The following ARF1 variants were observed in gnomAD, a reference collection of about 807,000 sequenced individuals.
ARF1 encodes the protein ARF GTPase 1, also known as ADP-ribosylation factor 1.
In ARF1, 1 loss-of-function variant was observed where a neutral mutation model predicts 18.0. The ratio of observed to expected loss-of-function variants is 0.06; its 90% CI spans 0.02 to 0.26. ARF1 has a LOEUF of 0.26. Ranked by LOEUF, ARF1 falls within the 10% of genes least tolerant of loss-of-function variation. ARF1 has a pLI of 1.00. For missense variants in ARF1, 73 were observed against 247.2 expected (o/e 0.30, Z 4.73); for synonymous variants, 112 against 96.3 (o/e 1.16, Z -0.95).
At chr1:228,085,060 A>G (rs911482891) in intron 1 of ARF1, among the ~76,000 whole-genome samples, 9 of 152,236 alleles carry the variant, frequency 5.9e-5, no homozygotes, top group African/African-American at 1.9e-4. Flanking sequence ...GGTGAAAGGA[A>G]ATAGAGTGCA....
rs1003640460 is a variant in ARF1, at chr1:228,089,974, C to T, written c.-37-7104C>T. ...GAAAACCAGGGTAGCATTGTCACAT[C>T]AGATAGCTCCGCTACGTGTGCGCTG... is the stretch of plus-strand genomic sequence containing the variant. On this transcript the variant is annotated intron_variant, in intron 1 of 4. Coordinates refer to ENST00000272102, the MANE Select transcript of ARF1 (RefSeq NM_001658.4). The surrounding 1 kb of genome is among the most constrained non-coding windows in gnomAD (Gnocchi z 4.1). Among the ~76,000 whole-genome samples, 1 of 152,254 alleles carries T rather than the reference C, an allele frequency of 6.6e-6. No homozygotes were observed. The highest frequency in any genetic ancestry group is 2.4e-5 in the African/African-American group (1 of 41,476).
At chr1:228,092,513 G>A (rs185608851) in intron 1 of ARF1, among the ~76,000 whole-genome samples, 33 of 152,330 alleles carry the variant, frequency 2.2e-4, no homozygotes, top group South Asian at 4.1e-4. Context: ...AGCCCCATTC[G>A]TGGATGTCAG....
chr1:228,098,242 A>G lies in ARF1; in HGVS notation c.*229A>G, dbSNP rs557821076. 14 of 453,230 alleles carry G rather than the reference A, an allele frequency of 3.1e-5. No homozygotes were observed. The highest frequency in any genetic ancestry group is 2.8e-4 in the South Asian group (6 of 21,306). 28.1% of individuals were successfully genotyped at this position (453,230 alleles called of 1,614,324 possible). A position where few individuals can be genotyped will look rare whatever the true frequency, so the allele number is the denominator to read the frequency against. ...CTGGTACTCCTATGCAATATTACTC[A>G]GCTTTTTTTATTGTAAAAAGAAAAA... On this transcript the variant is annotated 3_prime_UTR_variant, in exon 5 of 5. Coordinates refer to ENST00000272102, the MANE Select transcript of ARF1 (RefSeq NM_001658.4).
intron 1 of ARF1, among the ~76,000 whole-genome samples, chr1:228,091,580 A>G (rs2032578391): frequency 6.6e-6 from 1 of 152,128 alleles, no homozygotes; most frequent in South Asian, 2.1e-4. Context: ...GGGTGCGTGG[A>G]GTGTCTCGGT....
chr1:228,085,068 G>A (rs1313856327), intron 1 of ARF1, among the ~76,000 whole-genome samples: 1 of 152,240 alleles, frequency 6.6e-6, no homozygotes, highest in African/African-American at 2.4e-5. Flanking sequence ...GAAATAGAGT[G>A]CACTGTCAAA....
In ARF1 at chr1:228,089,985, G is replaced by C. The variant is rs1405915286; in HGVS notation, c.-37-7093G>C. ...TAGCATTGTCACATCAGATAGCTCC[G>C]CTACGTGTGCGCTGACCATGCTGAG... On this transcript the variant is annotated intron_variant, in intron 1 of 4. Transcript: ENST00000272102. The surrounding 1 kb of genome is among the most constrained non-coding windows in gnomAD (Gnocchi z 4.1). Among the ~76,000 whole-genome samples the C allele has an allele frequency of 6.6e-6, 1 of 152,218 alleles. No homozygotes were observed. The highest frequency in any genetic ancestry group is 1.5e-5 in the Non-Finnish European group (1 of 68,032).
At chr1:228,096,927 T>G (rs963228441) in intron 1 of ARF1, among the ~76,000 whole-genome samples, 151 bp from the exon 2 acceptor site, 2 of 152,076 alleles carry the variant, frequency 1.3e-5, no homozygotes, top group Non-Finnish European at 2.9e-5. Flanking sequence ...TGAGGTGGAT[T>G]TGGGGGGCAT....
At chr1:228,086,945 A>T (rs908282227) in intron 1 of ARF1, among the ~76,000 whole-genome samples, 2 of 152,212 alleles carry the variant, frequency 1.3e-5, no homozygotes, top group African/African-American at 4.8e-5. Flanking sequence ...CTGCTGCAGA[A>T]CGCAGAACTG....
rs1387600833 is a variant in ARF1, at chr1:228,089,881, T to A, written c.-38+7116T>A. 6.6e-6 allele frequency among the ~76,000 whole-genome samples: 1 copy of A among 152,162 alleles called. No individual in the cohort carries two copies. The highest frequency in any genetic ancestry group is 2.4e-5 in the African/African-American group (1 of 41,442). On this transcript the variant is annotated intron_variant, in intron 1 of 4. Transcript: ENST00000272102. The surrounding 1 kb of genome is among the most constrained non-coding windows in gnomAD (Gnocchi z 4.1). ...GTGCCCAGCATGTCTGTGGTGAGTG[T>A]GTAGTTCAGGAAGTGAACTGGCAAA...
At chr1:228,088,532 T>C (rs1255689697) in intron 1 of ARF1, among the ~76,000 whole-genome samples, 2 of 152,022 alleles carry the variant, frequency 1.3e-5, no homozygotes, top group African/African-American at 2.4e-5. Context: ...AAAAAAAAAT[T>C]TTTGTGCATA....
chr1:228,097,165 A>G lies in ARF1; in HGVS notation c.51A>G (p.Glu17=). 1 of 1,613,724 alleles carries G rather than the reference A, an allele frequency of 6.2e-7. No individual in the cohort carries two copies. Among genetic ancestry groups the G allele is most frequent in the Non-Finnish European group, 8.5e-7 (1 of 1,179,872 alleles). The stretch of plus-strand genomic sequence containing the variant: ...TCAAGGGCCTTTTTGGCAAAAAAGA[A>G]ATGCGCATCCTCATGGTGGGCCTGG... ...NLFKGLFGKK[E]MRILMVGLDA... Residue 17 remains glutamate (E), a synonymous_variant, in exon 2 of 5, where the codon GAA becomes GAG. Coordinates refer to ENST00000272102, the MANE Select transcript of ARF1 (RefSeq NM_001658.4). The surrounding 1 kb of genome is among the most constrained non-coding windows in gnomAD (Gnocchi z 8.1).
At chr1:228,092,078 T>TA (rs547928616) in intron 1 of ARF1, among the ~76,000 whole-genome samples, 3 of 152,212 alleles carry the variant, frequency 2.0e-5, no homozygotes, top group Non-Finnish European at 2.9e-5. Context: ...GATTAGATAG[T>TA]AAAACTGAGA....
chr1:228,085,417 G>C (rs2032362408), intron 1 of ARF1, among the ~76,000 whole-genome samples: 1 of 152,266 alleles, frequency 6.6e-6, no homozygotes, highest in Non-Finnish European at 1.5e-5. Flanking sequence ...CGACTTGACA[G>C]ACATGTCCTG....
chr1:228,092,250 A>G (rs1184034644), intron 1 of ARF1, among the ~76,000 whole-genome samples: 2 of 152,140 alleles, frequency 1.3e-5, no homozygotes. Flanking sequence ...AGAGTTCAAG[A>G]TCAGCCTGGG....
rs951711186 is a variant in ARF1, at chr1:228,089,945, C to A, written c.-37-7133C>A. On this transcript the variant is annotated intron_variant, in intron 1 of 4. Transcript: ENST00000272102. The surrounding 1 kb of genome is among the most constrained non-coding windows in gnomAD (Gnocchi z 4.1). ...CTCTCTTCCTGGGTTCTTGCCACTC[C>A]CCTGAAAACCAGGGTAGCATTGTCA... Among the ~76,000 whole-genome samples, 1 of 152,214 alleles carries A rather than the reference C, an allele frequency of 6.6e-6. No individual in the cohort carries two copies. The highest frequency in any genetic ancestry group is 2.4e-5 in the African/African-American group (1 of 41,458).
intron 1 of ARF1, among the ~76,000 whole-genome samples, chr1:228,085,835 A>G (rs1356667875): frequency 6.6e-6 from 1 of 152,202 alleles, no homozygotes; most frequent in Admixed American, 6.5e-5. Flanking sequence ...ACATTTCAGG[A>G]AGTTAGAAGT....
chr1:228,084,931 T>C (rs1004817534), intron 1 of ARF1, among the ~76,000 whole-genome samples: 1 of 152,238 alleles, frequency 6.6e-6, no homozygotes, highest in African/African-American at 2.4e-5. Context: ...TACACACTTC[T>C]TCCTGAGCTG....
intron 1 of ARF1, among the ~76,000 whole-genome samples, chr1:228,092,803 G>A (rs977403667): frequency 3.9e-5 from 6 of 152,138 alleles, no homozygotes; most frequent in African/African-American, 1.4e-4. Flanking sequence ...ATGTGCATCT[G>A]GACCAGTTTG....
At chr1:228,096,124 G>A (rs1308542855) in intron 1 of ARF1, among the ~76,000 whole-genome samples, 1 of 152,196 alleles carries the variant, frequency 6.6e-6, no homozygotes, top group Non-Finnish European at 1.5e-5. Context: ...TTTCCTTGCC[G>A]TAGCGTGCTG....
Sources: allele counts gnomAD v4.1 joint callset (sites outside exome capture counted in the v4.1 genomes callset), GRCh38; gene constraint gnomAD v4.1.1; non-coding constraint Gnocchi (gnomAD v3.1); transcripts MANE v1.5; gene names NCBI Gene and HGNC (gene_info 2026-07-23, HGNC 2026-07-21).